WWOX: variants seen among roughly 807,000 people sequenced by gnomAD.
The protein encoded by WWOX is WW domain containing oxidoreductase, also known as WW domain-containing oxidoreductase.
A neutral mutation model predicts 46.2 loss-of-function variants in WWOX; 69 were observed. The observed-to-expected ratio is 1.49, with a 90% CI of 1.23 to 1.82. The LOEUF (loss-of-function observed/expected upper bound fraction) is 1.82. Among genes scored for constraint, WWOX ranks in the 40% most tolerant of loss-of-function variants. The pLI, the probability that WWOX is intolerant of heterozygous loss-of-function variation, is 0.00. For synonymous variants in WWOX, 359 were observed against 202.6 expected, an observed-to-expected ratio of 1.77 and a Z score of -6.56; for missense variants, 919 against 542.6, an observed-to-expected ratio of 1.69 and a Z score of -6.89.
intron 8 of WWOX, among the ~76,000 whole-genome samples, chr16:78,931,913 G>A (rs533243019): frequency 3.3e-5 from 5 of 152,288 alleles, no homozygotes; most frequent in African/African-American, 1.2e-4. Context: ...CTGTTGTTAT[G>A]ATAGTGAATA....
intron 5 of WWOX, among the ~76,000 whole-genome samples, chr16:78,359,311 T>A (rs1183350393): frequency 6.6e-6 from 1 of 152,230 alleles, no homozygotes; most frequent in Non-Finnish European, 1.5e-5. Context: ...CAAAAAGTTT[T>A]AGCATTTTAC....
intron 8 of WWOX, among the ~76,000 whole-genome samples, chr16:78,934,508 CAAAA>C (rs760272326): frequency 2.7e-5 from 2 of 73,906 alleles, no homozygotes; most frequent in African/African-American, 5.1e-5. Context: ...AACCCTGTAT[CAAAA>C]AAAAAAAAAA....
At chr16:78,227,761 C>G (rs1014013875) in intron 5 of WWOX, among the ~76,000 whole-genome samples, 2 of 152,046 alleles carry the variant, frequency 1.3e-5, no homozygotes, top group Non-Finnish European at 2.9e-5. Context: ...CCTGTAATCC[C>G]AGCTACTTGG....
intron 8 of WWOX, among the ~76,000 whole-genome samples, chr16:78,570,413 A>G (rs2044686544): frequency 6.6e-6 from 1 of 152,106 alleles, no homozygotes; most frequent in South Asian, 2.1e-4. Context: ...GGCTGAAGCG[A>G]TCCTCATGCC....
chr16:78,361,172 C>T (rs2081403139), intron 5 of WWOX, among the ~76,000 whole-genome samples: 1 of 152,114 alleles, frequency 6.6e-6, no homozygotes, highest in African/African-American at 2.4e-5. Flanking sequence ...TCTTTCTGAT[C>T]TTGAGACCTT....
chr16:79,181,718 G>C (rs2050915499), intron 8 of WWOX, among the ~76,000 whole-genome samples: 1 of 151,934 alleles, frequency 6.6e-6, no homozygotes. Context: ...TCCTTCTTTT[G>C]ACATACTTGG....
intron 8 of WWOX, among the ~76,000 whole-genome samples, chr16:78,983,506 G>C (rs2046723437): frequency 6.6e-6 from 1 of 152,172 alleles, no homozygotes; most frequent in East Asian, 1.9e-4. Context: ...AAGAGAGGAA[G>C]GGGAGAAGAA....
intron 6 of WWOX, among the ~76,000 whole-genome samples, chr16:78,407,439 C>T (rs73571048): frequency 0.011 from 1,633 of 152,304 alleles, 26 homozygotes; most frequent in African/African-American, 0.036. Context: ...ATTATCTTAA[C>T]ATTCAGAAGA....
chr16:78,116,254 T>C lies in WWOX; in HGVS notation c.409+1100T>C, dbSNP rs2032785320. On this transcript the variant is annotated intron_variant, in intron 4 of 8. Coordinates refer to ENST00000566780, the MANE Select transcript of WWOX (RefSeq NM_016373.4). Reference sequence around the variant, plus strand: ...AATAGTAGGTCTTATTCTTTCTTTCTATCTTTTTTGTACCCATTAACCATC... The same window carrying C: ...AATAGTAGGTCTTATTCTTTCTTTCCATCTTTTTTGTACCCATTAACCATC... Among the ~76,000 whole-genome samples, 14 of 152,338 alleles carry C rather than the reference T, an allele frequency of 9.2e-5. No homozygotes were observed. The South Asian group carries it at 2.9e-3, about 32-fold the overall frequency.
At chr16:79,206,270 G>A (rs912169161) in intron 8 of WWOX, 1 of 152,276 alleles carries the variant, frequency 6.6e-6, no homozygotes, top group Non-Finnish European at 1.5e-5. Flanking sequence ...GGCATAGGAA[G>A]CCGGAGCCCC....
chr16:78,229,466 C>CTCTG (rs1200239293), intron 5 of WWOX, among the ~76,000 whole-genome samples: 1 of 145,122 alleles, frequency 6.9e-6, no homozygotes, highest in Admixed American at 7.1e-5. Context: ...TCTGTTTTAT[C>CTCTG]TCTCTCTATA....
At chr16:79,198,332 T>G (rs1485216638) in intron 8 of WWOX, among the ~76,000 whole-genome samples, 7 of 151,948 alleles carry the variant, frequency 4.6e-5, no homozygotes, top group Non-Finnish European at 7.4e-5. Flanking sequence ...ACAGACTGTC[T>G]CAAAAAAAGA....
intron 8 of WWOX, among the ~76,000 whole-genome samples, chr16:78,575,581 C>A (rs1054009776): frequency 1.3e-5 from 2 of 152,086 alleles, no homozygotes; most frequent in Non-Finnish European, 2.9e-5. Context: ...CTCCCACATG[C>A]CCTCTCTTAA....
At chr16:78,712,848 A>T (rs2048472963) in intron 8 of WWOX, among the ~76,000 whole-genome samples, 2 of 152,154 alleles carry the variant, frequency 1.3e-5, no homozygotes, top group African/African-American at 4.8e-5. Context: ...GTTCATGTTA[A>T]ATTATTGTTG....
At chr16:78,895,848 C>G (rs938728213) in intron 8 of WWOX, 4 of 152,182 alleles carry the variant, frequency 2.6e-5, no homozygotes, top group Non-Finnish European at 5.9e-5. Flanking sequence ...GTCGAGTGCT[C>G]TCATGCCAGG....
At chr16:78,990,721 A>G (rs1489869982) in intron 8 of WWOX, among the ~76,000 whole-genome samples, 2 of 151,650 alleles carry the variant, frequency 1.3e-5, no homozygotes, top group Admixed American at 1.3e-4. Context: ...AGGAGGAAGG[A>G]GGGAGGGAGG....
intron 8 of WWOX, among the ~76,000 whole-genome samples, chr16:79,040,100 A>G (rs902279235): frequency 5.3e-5 from 8 of 152,088 alleles, no homozygotes; most frequent in African/African-American, 1.9e-4. Context: ...TTCCTACCCC[A>G]TAGGTTGCTG....
At chr16:79,140,132 T>G (rs955219243) in intron 8 of WWOX, among the ~76,000 whole-genome samples, 6 of 152,146 alleles carry the variant, frequency 3.9e-5, no homozygotes, top group Admixed American at 2.0e-4. Flanking sequence ...GTTTTGTGGT[T>G]GTTGTTATTG....
intron 8 of WWOX, among the ~76,000 whole-genome samples, chr16:78,769,203 A>C (rs886077714): frequency 1.3e-5 from 2 of 152,196 alleles, no homozygotes; most frequent in African/African-American, 4.8e-5. Flanking sequence ...ATATATGACT[A>C]TTTCATGAGT....
Sources: gnomAD v4.1 joint callset for allele counts (sites outside exome capture counted in the v4.1 genomes callset) on GRCh38, gnomAD v4.1.1 for gene constraint, MANE v1.5 for transcripts, NCBI Gene and HGNC (gene_info 2026-07-23, HGNC 2026-07-21) for gene names.